The following VPS53 variants were observed in gnomAD, a reference collection of about 807,000 sequenced individuals.
VPS53 encodes VPS53 subunit of GARP complex, also known as vacuolar protein sorting-associated protein 53 homolog.
VPS53 carries 70 observed loss-of-function variants against 107.0 expected under a neutral mutation model. The observed-to-expected ratio is 0.65, with a 90% confidence interval of 0.54 to 0.80. The LOEUF (loss-of-function observed/expected upper bound fraction) is 0.80. VPS53 is among the 30% of genes least tolerant of loss of function. VPS53 has a pLI of 0.00. For missense variants in VPS53, 917 were observed against 1,049.4 expected (o/e 0.87, Z 1.74); for synonymous variants, 409 against 393.3 (o/e 1.04, Z -0.47).
At chr17:645,062 C>A (rs1316361109) in intron 7 of VPS53, among the ~76,000 whole-genome samples, 2 of 152,152 alleles carry the variant, frequency 1.3e-5, no homozygotes, top group Admixed American at 6.5e-5. Flanking sequence ...TTCTATTTTT[C>A]AGGAATGTGA....
At chr17:545,506 T>C (rs1326241529) in intron 17 of VPS53, among the ~76,000 whole-genome samples, 3 of 152,170 alleles carry the variant, frequency 2.0e-5, no homozygotes, top group Admixed American at 2.0e-4. Flanking sequence ...TCTCACAAAG[T>C]TGTCCAAGTT....
At chr17:560,604 T>C in intron 14 of VPS53, 31 bp from the exon 15 acceptor site, 7 of 1,595,166 alleles carry the variant, frequency 4.4e-6, no homozygotes, top group Non-Finnish European at 5.1e-6. Context: ...CAAGTCAGCA[T>C]GGAATTTCTA....
chr17:626,063 A>AGCCGGTG (rs1272166317), intron 10 of VPS53, among the ~76,000 whole-genome samples: 1 of 152,152 alleles, frequency 6.6e-6, no homozygotes, highest in Non-Finnish European at 1.5e-5. Context: ...CACAAAAATT[A>AGCCGGTG]GCCGGTGTGG....
intron 5 of VPS53, chr17:657,657 T>G: frequency 3.4e-6 from 2 of 582,452 alleles, no homozygotes; most frequent in South Asian, 4.0e-5. Context: ...AGGAAGGGAG[T>G]GCCCTGGATA....
At chr17:587,235 G>C (rs1402668408) in intron 12 of VPS53, among the ~76,000 whole-genome samples, 2 of 152,070 alleles carry the variant, frequency 1.3e-5, no homozygotes, top group Admixed American at 6.5e-5. Context: ...GCTAATTTTT[G>C]TATTTTAAGT....
At chr17:571,558 C>G (rs1914080264) in intron 13 of VPS53, among the ~76,000 whole-genome samples, 1 of 145,968 alleles carries the variant, frequency 6.9e-6, no homozygotes, top group South Asian at 2.1e-4. Flanking sequence ...CGGTCTCCCT[C>G]TCCCTCTCTT....
intron 5 of VPS53, among the ~76,000 whole-genome samples, chr17:657,901 G>T (rs1451823922): frequency 6.6e-6 from 1 of 152,126 alleles, no homozygotes; most frequent in Non-Finnish European, 1.5e-5. Context: ...TCCCACTAAA[G>T]TGAGAAACTC....
At position 553,389 on chromosome 17, in the gene VPS53, G is replaced by A. The variant is rs200767715; in HGVS notation, c.1778C>T (p.Thr593Met). The change falls in exon 16 of 22, where the codon ACG becomes ATG. Residue 593 changes from threonine to methionine, a missense_variant. Transcript: ENST00000437048. ...ERINLTGEMD[T>M]FSTVISSSIQ... ...TGTGCAGGGTACATACGTGCTGAAC[G>A]TGTCCATCTCTCCAGTCAGATTGAT... 186 of 1,613,918 alleles carry A rather than the reference G, an allele frequency of 1.2e-4. No homozygotes were observed. Among genetic ancestry groups the A allele is most frequent in the Non-Finnish European group, 1.5e-4 (176 of 1,180,012 alleles).
chr17:644,680 C>T (rs1970611156), intron 7 of VPS53, among the ~76,000 whole-genome samples: 1 of 151,942 alleles, frequency 6.6e-6, no homozygotes, highest in Non-Finnish European at 1.5e-5. Context: ...ACTTCCGGAG[C>T]TCAAGTGATC....
intron 13 of VPS53, among the ~76,000 whole-genome samples, chr17:579,922 G>C (rs1026113656): frequency 6.0e-5 from 9 of 150,996 alleles, no homozygotes; most frequent in Admixed American, 1.3e-4. Flanking sequence ...TGTGGTCCCA[G>C]AGAACATCCC....
intron 19 of VPS53, among the ~76,000 whole-genome samples, chr17:528,541 C>T (rs8064341): frequency 0.18 from 26,954 of 150,448 alleles, 6,078 homozygotes; most frequent in African/African-American, 0.52. Flanking sequence ...ATAAATGGTG[C>T]TGCTATGAAT....
intron 13 of VPS53, among the ~76,000 whole-genome samples, chr17:563,251 T>C (rs1913184698): frequency 6.6e-6 from 1 of 151,732 alleles, no homozygotes; most frequent in Non-Finnish European, 1.5e-5. Context: ...AGGTATTATG[T>C]CCATGCTTTA....
chr17:638,542 A>G (rs1298221361), intron 7 of VPS53, among the ~76,000 whole-genome samples: 1 of 152,218 alleles, frequency 6.6e-6, no homozygotes, highest in Non-Finnish European at 1.5e-5. Flanking sequence ...ATGTTTTTGC[A>G]GTGGCTAGTA....
intron 19 of VPS53, among the ~76,000 whole-genome samples, chr17:526,867 C>A (rs909113367): frequency 6.6e-6 from 1 of 152,092 alleles, no homozygotes; most frequent in African/African-American, 2.4e-5. Flanking sequence ...GAAAATTTTG[C>A]GTAAATAAGA....
At position 662,903 on chromosome 17, in the gene VPS53, C is replaced by A. The variant is rs530378037; in HGVS notation, c.286-1008G>T. On this transcript the variant is annotated intron_variant, in intron 4 of 21. Coordinates refer to ENST00000437048, the MANE Select transcript of VPS53 (RefSeq NM_001128159.3). ...GAAGGAAGGAAGGAAGGCAGGCAGG[C>A]AGGCAGGCAGGCAGGCAGGCAGAAA... 1.8e-3 allele frequency among the ~76,000 whole-genome samples: 255 copies of A among 141,538 alleles called. 1 individual carries two copies. Among genetic ancestry groups the A allele is most frequent in the African/African-American group, 5.4e-3 (206 of 38,422 alleles). 92.9% of individuals were successfully genotyped at this position (141,538 alleles called of 152,430 possible). A position where few individuals can be genotyped will look rare whatever the true frequency, so the allele number is the denominator to read the frequency against.
intron 6 of VPS53, 138 bp downstream of exon 6, chr17:655,700 G>T: frequency 2.7e-6 from 2 of 748,658 alleles, no homozygotes; most frequent in Non-Finnish European, 4.2e-6. Flanking sequence ...AATGGTGACT[G>T]AACACTTGAA....
intron 4 of VPS53, chr17:675,320 A>T (rs1049482044): frequency 6.6e-6 from 1 of 152,230 alleles, no homozygotes; most frequent in Admixed American, 6.5e-5. Context: ...TTATCACGGA[A>T]GTAGGAGAGG....
chr17:512,411 T>C lies in VPS53; in HGVS notation c.*6717A>G, dbSNP rs1308162491. The C allele has an allele frequency of 2.0e-5, 3 of 152,210 alleles. No individual in the cohort carries two copies. In the South Asian group the frequency reaches 6.2e-4, roughly 32 times the overall value. 9.4% of individuals were successfully genotyped at this position (152,210 alleles called of 1,614,324 possible). A position where few individuals can be genotyped will look rare whatever the true frequency, so the allele number is the denominator to read the frequency against. On this transcript the variant is annotated 3_prime_UTR_variant, in exon 22 of 22. Transcript: ENST00000437048. ...CCAGGTCCAAATCAAGACCTGCAGA[T>C]CAAGTCTTCTGTGGATGCTTCCAAT...
chr17:620,515 T>C (rs1969424135), intron 11 of VPS53, among the ~76,000 whole-genome samples: 1 of 152,172 alleles, frequency 6.6e-6, no homozygotes, highest in Admixed American at 6.5e-5. Flanking sequence ...GTCTTACACA[T>C]TAGCTCCGTG....
Sources: allele counts gnomAD v4.1 joint callset (sites outside exome capture counted in the v4.1 genomes callset), GRCh38; gene constraint gnomAD v4.1.1; transcripts MANE v1.5; gene names NCBI Gene and HGNC (gene_info 2026-07-23, HGNC 2026-07-21).